The following COL4A3 variants were observed in gnomAD, a reference collection of about 807,000 sequenced individuals.
The protein encoded by COL4A3 is collagen type IV alpha 3 chain.
In COL4A3, 135 loss-of-function variants were observed where a neutral mutation model predicts 217.4. That is an observed-to-expected ratio of 0.62 (90% CI 0.54 to 0.72). The LOEUF is 0.72. Ranked by LOEUF, COL4A3 falls within the 30% of genes least tolerant of loss-of-function variation. The pLI is 0.00. For synonymous variants in COL4A3, 690 were observed against 736.3 expected (o/e 0.94, Z 1.02); for missense variants, 1,868 against 2,119.9 (o/e 0.88, Z 2.33).
At chr2:227,244,386 C>T (rs369339674) in intron 4 of COL4A3, 22 bp downstream of exon 4, 1 of 1,610,754 alleles carries the variant, frequency 6.2e-7, no homozygotes, top group African/African-American at 1.3e-5. Flanking sequence ...AACCAGTCCA[C>T]CCTGATCGTT....
At chr2:227,252,004 GT>G (rs2069769990) in intron 11 of COL4A3, among the ~76,000 whole-genome samples, 1 of 134,046 alleles carries the variant, frequency 7.5e-6, no homozygotes, top group African/African-American at 2.8e-5. Flanking sequence ...GGGAGTTGGA[GT>G]TTGCAGTGAG....
In COL4A3 at chr2:227,310,857, T is replaced by C; in HGVS notation, c.4837T>C (p.Phe1613Leu). The C allele has an allele frequency of 6.2e-7, 1 of 1,614,140 alleles. No individual in the cohort carries two copies. The highest frequency in any genetic ancestry group is 8.5e-7 in the Non-Finnish European group (1 of 1,180,002). The change falls in exon 51 of 52, where the codon TTT (phenylalanine) becomes CTT (leucine). Residue 1613 changes from phenylalanine (F) to leucine (L), a missense_variant. By Grantham distance (22) the Phe-to-Leu change is conservative. Transcript: ENST00000396578. ...SCLEEFRASP[F>L]LECHGRGTCN... ...CCTGGAAGAATTCCGAGCCAGCCCA[T>C]TTCTAGAATGTCATGGAAGAGGAAC...
At chr2:227,168,915 G>A (rs1390069076) in intron 1 of COL4A3, among the ~76,000 whole-genome samples, 2 of 149,962 alleles carry the variant, frequency 1.3e-5, no homozygotes, top group Non-Finnish European at 3.0e-5. Flanking sequence ...TATACTTTAA[G>A]TTTTAGGGTA....
chr2:227,193,369 A>C (rs1016334579), intron 1 of COL4A3, among the ~76,000 whole-genome samples: 1 of 152,242 alleles, frequency 6.6e-6, no homozygotes, highest in Non-Finnish European at 1.5e-5. Context: ...GGAAGGACTC[A>C]AGATCACAAT....
intron 1 of COL4A3, among the ~76,000 whole-genome samples, chr2:227,224,555 A>T (rs1260630830): frequency 6.6e-6 from 1 of 152,206 alleles, no homozygotes; most frequent in African/African-American, 2.4e-5. Context: ...GTTCAAGACC[A>T]GCCTGTCCAA....
At chr2:227,249,880 A>G (rs2069628883) in intron 9 of COL4A3, among the ~76,000 whole-genome samples, 1 of 152,204 alleles carries the variant, frequency 6.6e-6, no homozygotes, top group African/African-American at 2.4e-5. Context: ...TGATTATCGT[A>G]TATGTATTAG....
chr2:227,295,982 C>T (rs925533590), intron 41 of COL4A3, among the ~76,000 whole-genome samples: 1 of 152,160 alleles, frequency 6.6e-6, no homozygotes, highest in Non-Finnish European at 1.5e-5. Context: ...TTCATTGACC[C>T]GTCTCAGCCA....
At chr2:227,303,994 C>G (rs2073399539) in intron 45 of COL4A3, 25 bp from the exon 46 acceptor site, 1 of 1,614,072 alleles carries the variant, frequency 6.2e-7, no homozygotes, top group South Asian at 1.1e-5. Context: ...AGGCCATCAT[C>G]TTCTTCTTAT....
chr2:227,205,663 C>A (rs2067073832), intron 1 of COL4A3, among the ~76,000 whole-genome samples: 1 of 151,682 alleles, frequency 6.6e-6, no homozygotes, highest in African/African-American at 2.4e-5. Flanking sequence ...ACATTCCTTC[C>A]CACAATGCTT....
chr2:227,285,265 T>A lies in COL4A3; in HGVS notation c.2881+920T>A, dbSNP rs78925327. 9.9e-3 allele frequency among the ~76,000 whole-genome samples: 1,019 copies of A among 102,966 alleles called. 51 individuals are homozygous for A. The East Asian group carries it at 0.18, about 18-fold the overall frequency. 67.5% of individuals were successfully genotyped at this position (102,966 alleles called of 152,430 possible). On this transcript the variant is annotated intron_variant, in intron 34 of 51. Transcript: ENST00000396578. ...TGAGGATGTAACAAACCTTCACATG[T>A]ACTGCCAAACCTAAAAAAAAAAAAA...
chr2:227,300,732 G>A (rs1047306648), intron 43 of COL4A3, among the ~76,000 whole-genome samples: 4 of 152,210 alleles, frequency 2.6e-5, no homozygotes, highest in African/African-American at 9.6e-5. Context: ...ACACTGTGTG[G>A]TAGGAAGAAT....
intron 3 of COL4A3, among the ~76,000 whole-genome samples, chr2:227,243,228 C>G (rs529648195): frequency 6.6e-6 from 1 of 152,196 alleles, no homozygotes; most frequent in South Asian, 2.1e-4. Context: ...TCCAGAAAAC[C>G]TGAGTACCAT....
At chr2:227,231,662 A>G (rs769785294) in intron 1 of COL4A3, among the ~76,000 whole-genome samples, 1 of 152,048 alleles carries the variant, frequency 6.6e-6, no homozygotes, top group Non-Finnish European at 1.5e-5. Flanking sequence ...CTGAGACTAC[A>G]GGTGTGCACC....
rs2106267339 is a variant in COL4A3 at position 227,303,037 on chromosome 2, G to C, written c.3883-1G>C. On this transcript the variant is annotated splice_acceptor_variant, in intron 43 of 51. Coordinates refer to ENST00000396578, the MANE Select transcript of COL4A3 (RefSeq NM_000091.5). LOFTEE classifies it high-confidence loss of function. ...TTCTGCTCCCTTTATTTGAAATATA[G>C]GGAGCACCAGGTACTCCAGGTCTTC... The C allele has an allele frequency of 6.2e-7, 1 of 1,605,344 alleles. No homozygotes were observed. The highest frequency in any genetic ancestry group is 2.2e-5 in the East Asian group (1 of 44,836).
chr2:227,241,847 C>G (rs78139874), intron 3 of COL4A3, among the ~76,000 whole-genome samples: 14,426 of 152,184 alleles, frequency 0.095, 910 homozygotes, highest in Middle Eastern at 0.16. Context: ...CAAATCATGA[C>G]TGTGGTGATT....
chr2:227,179,131 T>C (rs1289039407), intron 1 of COL4A3, among the ~76,000 whole-genome samples: 2 of 151,562 alleles, frequency 1.3e-5, no homozygotes. Context: ...TTTGTATTTT[T>C]TGTAGACTGG....
chr2:227,166,909 G>A (rs1449019304), intron 1 of COL4A3, among the ~76,000 whole-genome samples: 1 of 152,176 alleles, frequency 6.6e-6, no homozygotes, highest in African/African-American at 2.4e-5. Context: ...TGTAAAATGA[G>A]AGTTGAAACC....
At chr2:227,203,947 G>A (rs1315154960) in intron 1 of COL4A3, among the ~76,000 whole-genome samples, 1 of 151,898 alleles carries the variant, frequency 6.6e-6, no homozygotes. Context: ...TGGATTCCCA[G>A]CTCCCAGACC....
intron 1 of COL4A3, among the ~76,000 whole-genome samples, chr2:227,202,735 TAA>T (rs370401800): frequency 0.3 from 13,324 of 44,332 alleles, 1,537 homozygotes; most frequent in Middle Eastern, 0.45. Context: ...AATCCGTCTC[TAA>T]AAAAAAAAAA....
Sources: allele counts gnomAD v4.1 joint callset (sites outside exome capture counted in the v4.1 genomes callset), GRCh38; gene constraint gnomAD v4.1.1; transcripts MANE v1.5; gene names NCBI Gene and HGNC (gene_info 2026-07-23, HGNC 2026-07-21).